LRBA: variants seen among roughly 807,000 people sequenced by gnomAD.
The protein encoded by LRBA is LPS responsive beige-like anchor protein.
Under a neutral mutation model 330.0 loss-of-function variants are expected in LRBA, and 176 were observed. That is an observed-to-expected ratio of 0.53 (90% CI 0.47 to 0.60). The LOEUF (loss-of-function observed/expected upper bound fraction) is 0.60. Ranked by LOEUF, LRBA falls within the 20% of genes least tolerant of loss-of-function variation. The probability of loss-of-function intolerance (pLI) is 0.00; values close to 1 mark genes in which losing one functional copy is unlikely to be tolerated. For synonymous variants in LRBA, 1,230 were observed against 1,193.0 expected (o/e 1.03, Z -0.64); for missense variants, 3,259 against 3,444.8 (o/e 0.95, Z 1.35).
intron 40 of LRBA, among the ~76,000 whole-genome samples, chr4:150,568,525 G>A (rs17026968): frequency 0.091 from 13,856 of 152,076 alleles, 1,195 homozygotes; most frequent in African/African-American, 0.22. Context: ...TGGTAATAAG[G>A]AAACATTAAG....
intron 34 of LRBA, among the ~76,000 whole-genome samples, chr4:150,768,697 A>C (rs1397820017): frequency 6.6e-6 from 1 of 151,666 alleles, no homozygotes; most frequent in African/African-American, 2.4e-5. Context: ...TGTTATGCTT[A>C]GGAATGAGCA....
chr4:150,993,873 C>T (rs1479596382), intron 2 of LRBA, among the ~76,000 whole-genome samples: 1 of 151,784 alleles, frequency 6.6e-6, no homozygotes, highest in Non-Finnish European at 1.5e-5. Flanking sequence ...GGTGGGGACA[C>T]AGAGCAAAAC....
chr4:151,004,393 ACT>A (rs1483138572), intron 2 of LRBA, among the ~76,000 whole-genome samples: 1 of 152,192 alleles, frequency 6.6e-6, no homozygotes, highest in Non-Finnish European at 1.5e-5. Context: ...ACGGCAACTG[ACT>A]AACAGGCAGG....
chr4:150,738,793 T>C (rs1410753761), intron 35 of LRBA, among the ~76,000 whole-genome samples: 2 of 149,340 alleles, frequency 1.3e-5, no homozygotes, highest in African/African-American at 4.9e-5. Flanking sequence ...TTTAAAATAA[T>C]ATATAACCAA....
chr4:150,824,255 T>G (rs1268118762), intron 30 of LRBA, among the ~76,000 whole-genome samples: 3 of 152,212 alleles, frequency 2.0e-5, no homozygotes, highest in Non-Finnish European at 4.4e-5. Flanking sequence ...GATACTAATT[T>G]TTGTATGCTA....
intron 37 of LRBA, among the ~76,000 whole-genome samples, chr4:150,656,208 T>C (rs1581939859): frequency 6.6e-6 from 1 of 152,388 alleles, no homozygotes; most frequent in East Asian, 1.9e-4. Context: ...GGTGTTGCTT[T>C]CATTTTGTTA....
At chr4:150,514,925 T>C (rs1762184972) in intron 40 of LRBA, among the ~76,000 whole-genome samples, 1 of 152,158 alleles carries the variant, frequency 6.6e-6, no homozygotes, top group Admixed American at 6.5e-5. Flanking sequence ...GAGGCAACAT[T>C]GCATTAGGTA....
At chr4:150,320,246 T>C (rs945077944) in intron 50 of LRBA, among the ~76,000 whole-genome samples, 6 of 152,148 alleles carry the variant, frequency 3.9e-5, no homozygotes, top group African/African-American at 1.4e-4. Context: ...CTGGGCTCAG[T>C]GTCCTCACTG....
At chr4:150,545,803 A>G (rs1765796627) in intron 40 of LRBA, among the ~76,000 whole-genome samples, 1 of 152,162 alleles carries the variant, frequency 6.6e-6, no homozygotes, top group African/African-American at 2.4e-5. Flanking sequence ...ATGCTAGGAA[A>G]GTTATTCAAT....
intron 47 of LRBA, among the ~76,000 whole-genome samples, chr4:150,395,530 G>C (rs1248808912): frequency 2.0e-5 from 3 of 151,958 alleles, no homozygotes; most frequent in South Asian, 4.2e-4. Context: ...TTCTTTCCTA[G>C]CTTGAGTCCG....
chr4:150,836,813 T>G (rs1277746635), intron 28 of LRBA, among the ~76,000 whole-genome samples: 1 of 152,194 alleles, frequency 6.6e-6, no homozygotes, highest in Non-Finnish European at 1.5e-5. Context: ...ACTCTGATCT[T>G]AGTTATTTCT....
intron 22 of LRBA, among the ~76,000 whole-genome samples, chr4:150,862,686 A>AG (rs1163446682): frequency 2.0e-5 from 3 of 151,496 alleles, no homozygotes; most frequent in Non-Finnish European, 4.4e-5. Flanking sequence ...TTTAAAAAAA[A>AG]AAAAAAAAGT....
Position 150,868,275 on chromosome 4 carries a change from C to T in LRBA, c.2480G>A (p.Arg827Gln), listed in dbSNP as rs201878879. Residue 827 changes from arginine to glutamine, a missense_variant, in exon 21 of 57, where the codon CGA becomes CAA. Arg to Gln is a conservative substitution (Grantham distance 43). Transcript: ENST00000651943. ...QILKVIATLL[R>Q]NSPQCPESME... ...GCTCTCTGGGCACTGGGGAGAATTT[C>T]GAAGTAGGGTCGCAATTACTTTTAG... is the stretch of plus-strand genomic sequence containing the variant. 1.2e-5 allele frequency: 20 copies of T among 1,611,694 alleles called. No individual in the cohort carries two copies. The highest frequency in any genetic ancestry group is 3.3e-5 in the Admixed American group (2 of 59,838).
chr4:150,808,738 G>C (rs1208696220), intron 31 of LRBA, among the ~76,000 whole-genome samples: 1 of 152,080 alleles, frequency 6.6e-6, no homozygotes, highest in Non-Finnish European at 1.5e-5. Flanking sequence ...TCTTAACATA[G>C]CAAAAACACA....
intron 55 of LRBA, 78 bp from the exon 56 acceptor site, chr4:150,278,082 T>C: frequency 1.6e-6 from 2 of 1,241,534 alleles, no homozygotes; most frequent in Non-Finnish European, 2.3e-6. Context: ...GAGTCATTCT[T>C]ACACCAGCTA....
chr4:150,291,301 G>C (rs1471336425), intron 53 of LRBA, among the ~76,000 whole-genome samples: 1 of 109,524 alleles, frequency 9.1e-6, no homozygotes, highest in East Asian at 2.9e-4. Flanking sequence ...CAAAATGGGA[G>C]AAAATTTTCG....
intron 40 of LRBA, among the ~76,000 whole-genome samples, chr4:150,587,021 A>C (rs983173073): frequency 2.0e-5 from 3 of 152,180 alleles, no homozygotes; most frequent in Non-Finnish European, 2.9e-5. Flanking sequence ...TGGATTAGTT[A>C]ACTTATCAAG....
chr4:150,657,834 A>T (rs1403037015), intron 37 of LRBA, among the ~76,000 whole-genome samples: 1 of 152,202 alleles, frequency 6.6e-6, no homozygotes, highest in Non-Finnish European at 1.5e-5. Flanking sequence ...TTAATAATAT[A>T]AGATTTAACA....
At chr4:150,379,712 C>G (rs1250288119) in intron 47 of LRBA, among the ~76,000 whole-genome samples, 1 of 152,168 alleles carries the variant, frequency 6.6e-6, no homozygotes. Context: ...TGAATAACAT[C>G]TTCTGCTGCA....
Sources: allele counts gnomAD v4.1 joint callset (sites outside exome capture counted in the v4.1 genomes callset), GRCh38; gene constraint gnomAD v4.1.1; transcripts MANE v1.5; gene names NCBI Gene and HGNC (gene_info 2026-07-23, HGNC 2026-07-21).